The following PDZD2 variants were observed in gnomAD, a reference collection of about 807,000 sequenced individuals.
PDZD2 encodes PDZ domain containing 2, also known as PDZ domain-containing protein 2.
A neutral mutation model predicts 220.7 loss-of-function variants in PDZD2; 90 were observed. The ratio of observed to expected loss-of-function variants is 0.41; its 90% CI spans 0.34 to 0.49. The LOEUF (loss-of-function observed/expected upper bound fraction) is 0.49, where lower values mean the gene tolerates loss of function less well. Among genes scored for constraint, PDZD2 ranks in the 20% least tolerant of loss-of-function variants. The pLI, the probability that PDZD2 is intolerant of heterozygous loss-of-function variation, is 0.28. For missense variants in PDZD2, 3,174 were observed against 3,608.5 expected (o/e 0.88, Z 3.08); for synonymous variants, 1,375 against 1,450.5 (o/e 0.95, Z 1.18).
intron 1 of PDZD2, chr5:31,741,976 G>T (rs889903512): frequency 6.6e-6 from 1 of 152,240 alleles, no homozygotes; most frequent in Non-Finnish European, 1.5e-5. Context: ...CCAGAAAACT[G>T]CATAGTGGAG....
At chr5:31,853,178 G>A (rs1217938249) in intron 2 of PDZD2, among the ~76,000 whole-genome samples, 1 of 152,140 alleles carries the variant, frequency 6.6e-6, no homozygotes, top group African/African-American at 2.4e-5. Flanking sequence ...TATAATATGT[G>A]TAAGCCAGAC....
At chr5:31,969,175 T>C (rs1048279903) in intron 2 of PDZD2, among the ~76,000 whole-genome samples, 6 of 151,806 alleles carry the variant, frequency 4.0e-5, no homozygotes, top group Admixed American at 3.9e-4. Flanking sequence ...TGGGGCATGT[T>C]AGGAAAGTGA....
chr5:31,986,099 T>A (rs1296295761), intron 3 of PDZD2, among the ~76,000 whole-genome samples: 18 of 110,900 alleles, frequency 1.6e-4, no homozygotes, highest in African/African-American at 2.9e-4. Context: ...AAAAAAAAAA[T>A]TGAACTTCTG....
At chr5:31,850,645 T>C (rs1282132910) in intron 2 of PDZD2, among the ~76,000 whole-genome samples, 2 of 149,942 alleles carry the variant, frequency 1.3e-5, no homozygotes, top group African/African-American at 4.9e-5. Flanking sequence ...TTTTTTTTTT[T>C]TTTTTTTTTG....
intron 1 of PDZD2, among the ~76,000 whole-genome samples, chr5:31,717,199 T>G (rs1274527530): frequency 6.6e-6 from 1 of 152,110 alleles, no homozygotes; most frequent in Non-Finnish European, 1.5e-5. Context: ...TGTCTGGCCT[T>G]TGCGAGTCTA....
intron 24 of PDZD2, among the ~76,000 whole-genome samples, chr5:32,102,071 T>A (rs965482783): frequency 6.6e-6 from 1 of 152,054 alleles, no homozygotes; most frequent in Non-Finnish European, 1.5e-5. Context: ...TGCATAGTAA[T>A]CCCAAAACCT....
At chr5:31,811,971 G>A (rs1337073916) in intron 2 of PDZD2, among the ~76,000 whole-genome samples, 4 of 151,240 alleles carry the variant, frequency 2.6e-5, no homozygotes, top group African/African-American at 4.9e-5. Flanking sequence ...GTCTGGGCAA[G>A]AGAGTGAGAC....
intron 2 of PDZD2, among the ~76,000 whole-genome samples, chr5:31,948,173 T>C (rs1040274903): frequency 1.3e-5 from 2 of 152,154 alleles, no homozygotes; most frequent in African/African-American, 4.8e-5. Flanking sequence ...CATTAGTGAA[T>C]CATTTCACAC....
At chr5:31,705,412 A>G (rs772741673) in intron 1 of PDZD2, among the ~76,000 whole-genome samples, 1 of 152,062 alleles carries the variant, frequency 6.6e-6, no homozygotes, top group Non-Finnish European at 1.5e-5. Flanking sequence ...GCCATTAAAG[A>G]CTCCTAGAAA....
intron 2 of PDZD2, among the ~76,000 whole-genome samples, chr5:31,806,930 TG>T (rs370722778): frequency 7.4e-6 from 1 of 135,810 alleles, no homozygotes; most frequent in African/African-American, 3.0e-5. Context: ...TGGGCGTCTT[TG>T]TTTTTTTTTT....
chr5:32,072,956 C>T (rs1740897773), intron 17 of PDZD2, among the ~76,000 whole-genome samples: 2 of 152,088 alleles, frequency 1.3e-5, no homozygotes, highest in African/African-American at 4.8e-5. Flanking sequence ...GCCCTAGCTT[C>T]ATTCTTTGTA....
At chr5:31,742,358 G>T (rs1245245770) in intron 1 of PDZD2, 2 of 151,488 alleles carry the variant, frequency 1.3e-5, no homozygotes, top group Admixed American at 6.6e-5. Flanking sequence ...ATTAAAGACT[G>T]AAATGGTTGT....
At chr5:31,692,061 G>T (rs423464) in intron 1 of PDZD2, among the ~76,000 whole-genome samples, 3 of 152,088 alleles carry the variant, frequency 2.0e-5, no homozygotes, top group Non-Finnish European at 4.4e-5. Flanking sequence ...AGTGGAGCAC[G>T]GGGTGGCGCT....
intron 2 of PDZD2, among the ~76,000 whole-genome samples, chr5:31,841,490 T>G (rs1286753404): frequency 6.6e-6 from 1 of 152,118 alleles, no homozygotes; most frequent in Non-Finnish European, 1.5e-5. Flanking sequence ...CTGGCTAACA[T>G]GGTGAAACCC....
intron 2 of PDZD2, among the ~76,000 whole-genome samples, chr5:31,905,539 A>G (rs1429710538): frequency 6.6e-6 from 1 of 152,218 alleles, no homozygotes; most frequent in East Asian, 1.9e-4. Flanking sequence ...TACCACTGGA[A>G]GATGTTCACA....
chr5:31,753,457 G>T (rs1449747184), intron 1 of PDZD2, among the ~76,000 whole-genome samples: 1 of 152,106 alleles, frequency 6.6e-6, no homozygotes, highest in Non-Finnish European at 1.5e-5. Flanking sequence ...AAAATTAGCT[G>T]GGCATAGTGG....
chr5:31,875,179 A>G (rs927370010), intron 2 of PDZD2, among the ~76,000 whole-genome samples: 4 of 152,026 alleles, frequency 2.6e-5, no homozygotes, highest in Admixed American at 6.6e-5. Context: ...TACATCCTCT[A>G]TATCTTTCTT....
intron 2 of PDZD2, among the ~76,000 whole-genome samples, chr5:31,870,828 G>A (rs1182661971): frequency 6.6e-6 from 1 of 150,996 alleles, no homozygotes; most frequent in East Asian, 1.9e-4. Context: ...GGTGGAGGTT[G>A]CAGTGAGTGG....
At position 32,061,120 on chromosome 5, in the gene PDZD2, C is replaced by T; in HGVS notation, c.2437C>T (p.His813Tyr). The T allele has an allele frequency of 1.2e-6, 2 of 1,614,148 alleles. No homozygotes were observed. Among genetic ancestry groups the T allele is most frequent in the South Asian group, 1.1e-5 (1 of 91,082 alleles). Residue 813 changes from histidine to tyrosine, a missense_variant, in exon 14 of 25, where the codon CAC becomes TAC. Transcript: ENST00000438447. Reference sequence around the variant, plus strand: ...ACCCGTTCGCCTTGTCATCGGCCGGCACCCTAATCCAAAGGTGAGGTGGTC... The same window carrying T: ...ACCCGTTCGCCTTGTCATCGGCCGGTACCCTAATCCAAAGGTGAGGTGGTC... ...PGPVRLVIGR[H>Y]PNPKVSEQEM...
Sources: allele counts gnomAD v4.1 joint callset (sites outside exome capture counted in the v4.1 genomes callset), GRCh38; gene constraint gnomAD v4.1.1; transcripts MANE v1.5; gene names NCBI Gene and HGNC (gene_info 2026-07-23, HGNC 2026-07-21).